The following NHS variants were observed in gnomAD, a reference collection of about 807,000 sequenced individuals.
NHS encodes the protein actin remodeling regulator NHS.
NHS carries 5 observed loss-of-function variants against 72.5 expected under a neutral mutation model. That is an observed-to-expected ratio of 0.07 (90% CI 0.04 to 0.14). The LOEUF (loss-of-function observed/expected upper bound fraction) is 0.14, where lower values mean the gene tolerates loss of function less well. NHS is among the 10% of genes least tolerant of loss of function. The pLI is 1.00. For synonymous variants in NHS, 464 were observed against 547.7 expected (o/e 0.85, Z 2.13); for missense variants, 1,072 against 1,355.7 (o/e 0.79, Z 3.29).
At chrX:17,458,153 G>T (rs1000991336) in intron 1 of NHS, among the ~76,000 whole-genome samples, 6 of 111,306 alleles carry the variant, frequency 5.4e-5, no homozygotes, top group African/African-American at 1.3e-4. Context: ...CTCTCCTAAG[G>T]CTCATCATGT....
intron 1 of NHS, among the ~76,000 whole-genome samples, chrX:17,458,159 C>G (rs779326290): frequency 9.0e-6 from 1 of 111,594 alleles, no homozygotes; most frequent in South Asian, 3.8e-4. Flanking sequence ...TAAGGCTCAT[C>G]ATGTGTTACC....
chrX:17,554,852 T>C (rs1295892158), intron 1 of NHS, among the ~76,000 whole-genome samples: 4 of 112,006 alleles, frequency 3.6e-5, no homozygotes, highest in Non-Finnish European at 7.5e-5. Flanking sequence ...TCTTTTTTTT[T>C]CTTTTTTAAA....
intron 1 of NHS, among the ~76,000 whole-genome samples, chrX:17,538,850 C>T (rs949752856): frequency 2.7e-5 from 3 of 111,974 alleles, no homozygotes; most frequent in Non-Finnish European, 1.9e-5. Context: ...TTCCTGGGAG[C>T]GCATTAGATG....
intron 3 of NHS, among the ~76,000 whole-genome samples, chrX:17,711,086 C>T (rs2066326978): frequency 8.9e-6 from 1 of 112,421 alleles, no homozygotes; most frequent in Admixed American, 9.4e-5. Context: ...TGTAGCAGTT[C>T]AAAGATTCTT....
intron 1 of NHS, among the ~76,000 whole-genome samples, chrX:17,677,054 G>C (rs2066086523): frequency 9.0e-6 from 1 of 111,515 alleles, no homozygotes; most frequent in South Asian, 3.9e-4. Flanking sequence ...GAGACCTACA[G>C]CATCAAGATT....
In NHS at chrX:17,725,584, T is replaced by C. The variant is rs769050687; in HGVS notation, c.1478T>C (p.Met493Thr). Residue 493 changes from methionine to threonine, a missense_variant, in exon 7 of 9, where the codon ATG becomes ACG. Met to Thr is a moderately conservative substitution (Grantham distance 81). Coordinates refer to ENST00000676302, the MANE Select transcript of NHS (RefSeq NM_001291867.2). ...GCCCTAGCAGACAAAGGTGACACCA[T>C]GTTTACTCCTGCAGTGAGCAGCCGC... ...ISALADKGDT[M>T]FTPAVSSRTR... The C allele has an allele frequency of 5.0e-6, 6 of 1,209,609 alleles. No individual in the cohort carries two copies. The highest frequency in any genetic ancestry group is 1.8e-5 in the African/African-American group (1 of 56,945).
At chrX:17,589,045 G>T (rs1218863698) in intron 1 of NHS, among the ~76,000 whole-genome samples, 3 of 112,346 alleles carry the variant, frequency 2.7e-5, no homozygotes, top group African/African-American at 9.7e-5. Context: ...TTTCTTGGAA[G>T]ATTTAGTGAT....
At chrX:17,512,281 TAA>T (rs775328050) in intron 1 of NHS, among the ~76,000 whole-genome samples, 1 of 111,859 alleles carries the variant, frequency 8.9e-6, no homozygotes, top group Non-Finnish European at 1.9e-5. Flanking sequence ...TAGTGATATA[TAA>T]AAAATAAGAT....
chrX:17,402,766 T>C (rs1015946798), intron 1 of NHS, among the ~76,000 whole-genome samples: 1 of 111,628 alleles, frequency 9.0e-6, no homozygotes, highest in African/African-American at 3.3e-5. Flanking sequence ...ACCATCAAAT[T>C]ACACATTTTA....
At chrX:17,677,044 G>A (rs1308136507) in intron 1 of NHS, among the ~76,000 whole-genome samples, 1 of 111,622 alleles carries the variant, frequency 9.0e-6, no homozygotes, top group Non-Finnish European at 1.9e-5. Flanking sequence ...GATCCCATCC[G>A]AGACCTACAG....
intron 1 of NHS, among the ~76,000 whole-genome samples, chrX:17,665,484 C>T (rs977360719): frequency 2.8e-5 from 3 of 107,516 alleles, no homozygotes; most frequent in Non-Finnish European, 3.9e-5. Context: ...CCCGCCACCT[C>T]GCCCGGCTAA....
At chrX:17,538,823 G>A (rs759233604) in intron 1 of NHS, among the ~76,000 whole-genome samples, 168 of 111,975 alleles carry the variant, frequency 1.5e-3, no homozygotes, top group African/African-American at 5.3e-3. Flanking sequence ...TCTTAAGTGG[G>A]GCGTACACTT....
chrX:17,663,920 G>A (rs1477590892), intron 1 of NHS, among the ~76,000 whole-genome samples: 4 of 111,593 alleles, frequency 3.6e-5, no homozygotes, highest in Admixed American at 9.5e-5. Context: ...ATCTCATTGT[G>A]GTTTTCATTT....
chrX:17,564,007 A>G (rs1271222927), intron 1 of NHS, among the ~76,000 whole-genome samples: 1 of 112,291 alleles, frequency 8.9e-6, no homozygotes, highest in Non-Finnish European at 1.9e-5. Context: ...AGTAACCAAT[A>G]TAACCTGGCC....
chrX:17,440,165 G>A (rs1232575728), intron 1 of NHS, among the ~76,000 whole-genome samples: 3 of 106,972 alleles, frequency 2.8e-5, no homozygotes, highest in Non-Finnish European at 5.8e-5. Context: ...AGGCCAAGGT[G>A]GGAGAATTGC....
At chrX:17,538,236 G>C (rs1319107168) in intron 1 of NHS, among the ~76,000 whole-genome samples, 6 of 112,072 alleles carry the variant, frequency 5.4e-5, no homozygotes, top group Non-Finnish European at 7.5e-5. Flanking sequence ...CGGGAGCTGA[G>C]ACCTGTAAAA....
Position 17,428,669 on chromosome X carries a change from T to G in NHS, c.565+52347T>G, listed in dbSNP as rs1029056774. ...AAGCAGAAAATATGGAAACTGAATC[T>G]CTTAAAGCTATCCATATACCTACAT... On this transcript the variant is annotated intron_variant, in intron 1 of 8. Transcript: ENST00000676302. Among the ~76,000 whole-genome samples the G allele has an allele frequency of 4.5e-5, 5 of 111,712 alleles. No homozygotes were observed. The Admixed American group carries it at 4.7e-4, about 11-fold the overall frequency.
In NHS at chrX:17,630,614, G is replaced by A. The variant is rs763674767; in HGVS notation, c.566-57128G>A. The stretch of plus-strand genomic sequence containing the variant: ...TGCATTTTGTGCCCCAGAGATCTCC[G>A]TGGGATCAGGCTGGAGCAAATATCC... On this transcript the variant is annotated intron_variant, in intron 1 of 8. Coordinates refer to ENST00000676302, the MANE Select transcript of NHS (RefSeq NM_001291867.2). 8.1e-5 allele frequency among the ~76,000 whole-genome samples: 9 copies of A among 111,271 alleles called. No homozygotes were observed. In the South Asian group the frequency reaches 1.2e-3, roughly 14 times the overall value.
intron 1 of NHS, among the ~76,000 whole-genome samples, chrX:17,529,671 G>T (rs1467953797): frequency 8.9e-6 from 1 of 111,888 alleles, no homozygotes; most frequent in East Asian, 2.8e-4. Flanking sequence ...CCAACTCAAA[G>T]TCTTTGAATT....
Sources: gnomAD v4.1 joint callset for allele counts (sites outside exome capture counted in the v4.1 genomes callset) on GRCh38, gnomAD v4.1.1 for gene constraint, MANE v1.5 for transcripts, NCBI Gene and HGNC (gene_info 2026-07-23, HGNC 2026-07-21) for gene names.